KIAA1671: variants seen among roughly 807,000 people sequenced by gnomAD.
KIAA1671 encodes the protein KIAA1671.
Under a neutral mutation model 131.2 loss-of-function variants are expected in KIAA1671, and 52 were observed. That is an observed-to-expected ratio of 0.40 (90% CI 0.32 to 0.50). The LOEUF (loss-of-function observed/expected upper bound fraction) is 0.50. Ranked by LOEUF, KIAA1671 falls within the 20% of genes least tolerant of loss-of-function variation. The pLI is 0.73. For synonymous variants in KIAA1671, 1,003 were observed against 961.6 expected (o/e 1.04, Z -0.80); for missense variants, 2,360 against 2,364.2 (o/e 1.00, Z 0.04).
intron 6 of KIAA1671, chr22:25,064,379 T>C (rs1928352842): frequency 6.6e-6 from 1 of 152,226 alleles, no homozygotes; most frequent in Admixed American, 6.5e-5. Flanking sequence ...GTTGAGCCCT[T>C]ACTGTGTACT....
intron 1 of KIAA1671, among the ~76,000 whole-genome samples, chr22:24,992,256 C>A (rs1288625070): frequency 1.3e-5 from 2 of 152,144 alleles, no homozygotes; most frequent in Admixed American, 1.3e-4. Context: ...AGGGCTCTGG[C>A]AGGAGACAGG....
intron 5 of KIAA1671, among the ~76,000 whole-genome samples, chr22:25,042,759 C>A (rs1387276752): frequency 6.6e-6 from 1 of 151,992 alleles, no homozygotes; most frequent in African/African-American, 2.4e-5. Context: ...AGGCGCGAGC[C>A]ACTGCGCCCG....
intron 6 of KIAA1671, among the ~76,000 whole-genome samples, chr22:25,081,969 G>T (rs1929432584): frequency 6.6e-6 from 1 of 152,146 alleles, no homozygotes; most frequent in Non-Finnish European, 1.5e-5. Context: ...GCTGAGGCAG[G>T]AGGATCACCT....
At chr22:25,079,975 G>A (rs1386320275) in intron 6 of KIAA1671, among the ~76,000 whole-genome samples, 1 of 152,110 alleles carries the variant, frequency 6.6e-6, no homozygotes, top group East Asian at 1.9e-4. Context: ...GGAGAAGTGG[G>A]CAGATTCTGG....
chr22:25,025,310 G>T (rs1450767993), intron 1 of KIAA1671, among the ~76,000 whole-genome samples: 1 of 152,084 alleles, frequency 6.6e-6, no homozygotes, highest in Non-Finnish European at 1.5e-5. Flanking sequence ...GTAATTGCTT[G>T]TGTGTGTATG....
chr22:25,183,072 C>G (rs1934346531), intron 10 of KIAA1671, among the ~76,000 whole-genome samples: 1 of 149,240 alleles, frequency 6.7e-6, no homozygotes, highest in Non-Finnish European at 1.5e-5. Flanking sequence ...CCTTTTGCCC[C>G]CCTGTTTCAG....
intron 1 of KIAA1671, among the ~76,000 whole-genome samples, chr22:24,953,393 C>G (rs1306641534): frequency 2.0e-5 from 3 of 151,960 alleles, no homozygotes; most frequent in Non-Finnish European, 2.9e-5. Flanking sequence ...TCGAGGGGAG[C>G]CCGGAGGACA....
intron 6 of KIAA1671, chr22:25,112,532 AG>A: frequency 2.5e-6 from 1 of 397,724 alleles, no homozygotes; most frequent in Non-Finnish European, 4.4e-6. Context: ...CCTCCCAGGG[AG>A]GGGGTCCCAG....
intron 6 of KIAA1671, among the ~76,000 whole-genome samples, chr22:25,093,417 G>A (rs994931544): frequency 1.3e-5 from 2 of 152,074 alleles, no homozygotes; most frequent in Non-Finnish European, 2.9e-5. Flanking sequence ...CTGTGCTCAG[G>A]CACAATAGGT....
At chr22:24,989,026 T>C (rs1923698682) in intron 1 of KIAA1671, among the ~76,000 whole-genome samples, 1 of 152,194 alleles carries the variant, frequency 6.6e-6, no homozygotes, top group Admixed American at 6.5e-5. Flanking sequence ...GGTGTTGAAC[T>C]CCCAGGCCCA....
At chr22:25,044,988 G>A (rs1461068301) in intron 5 of KIAA1671, among the ~76,000 whole-genome samples, 3 of 152,022 alleles carry the variant, frequency 2.0e-5, no homozygotes, top group Non-Finnish European at 4.4e-5. Flanking sequence ...GTGAAACCCT[G>A]TCTCTACTAA....
At chr22:25,108,277 C>T (rs1232734313) in intron 6 of KIAA1671, among the ~76,000 whole-genome samples, 2 of 152,198 alleles carry the variant, frequency 1.3e-5, no homozygotes, top group African/African-American at 4.8e-5. Flanking sequence ...GGATTTCCCA[C>T]CCCGATGTCC....
chr22:25,148,197 C>T (rs1415775095), intron 6 of KIAA1671, among the ~76,000 whole-genome samples: 3 of 151,766 alleles, frequency 2.0e-5, no homozygotes, highest in Admixed American at 6.6e-5. Flanking sequence ...CTTTCTCAGT[C>T]CCAGCACCCC....
intron 6 of KIAA1671, chr22:25,050,706 A>G (rs1927488926): frequency 6.6e-6 from 1 of 152,304 alleles, no homozygotes; most frequent in African/African-American, 2.4e-5. Flanking sequence ...GCCGGGGAGG[A>G]ACTCAGATCC....
chr22:25,093,834 G>GTCTCTCTC lies in KIAA1671; in HGVS notation c.4530+44473_4530+44474insCTCTCTCT, dbSNP rs1568951583. ...TCTGTCTCTCTCTCTTTCTCTCTCT[G>GTCTCTCTC]TCTGTCTCTCTCTCTCTCTCTCTCT... is the stretch of plus-strand genomic sequence containing the variant. On this transcript the variant is annotated intron_variant, in intron 6 of 12. Coordinates refer to ENST00000358431, the MANE Select transcript of KIAA1671 (RefSeq NM_001145206.2). Among the ~76,000 whole-genome samples the GTCTCTCTC allele has an allele frequency of 2.7e-3, 46 of 16,948 alleles. 11 individuals carry two copies. The highest frequency in any genetic ancestry group is 6.9e-3 in the African/African-American group (21 of 3,032). 11.1% of individuals were successfully genotyped at this position (16,948 alleles called of 152,430 possible). A position where few individuals can be genotyped will look rare whatever the true frequency, so the allele number is the denominator to read the frequency against.
At chr22:25,188,451 TG>T (rs1198697550) in intron 11 of KIAA1671, among the ~76,000 whole-genome samples, 1 of 50,596 alleles carries the variant, frequency 2.0e-5, no homozygotes, top group Non-Finnish European at 3.8e-5. Context: ...CAATCGGGTG[TG>T]TGTGTGTGTG....
chr22:25,012,653 T>C (rs1400471325), intron 1 of KIAA1671: 2 of 152,168 alleles, frequency 1.3e-5, no homozygotes, highest in Non-Finnish European at 2.9e-5. Context: ...AAACCAGTGT[T>C]GCTTGCTTTA....
chr22:25,146,068 C>T (rs186536081), intron 6 of KIAA1671, among the ~76,000 whole-genome samples: 139 of 152,280 alleles, frequency 9.1e-4, no homozygotes, highest in African/African-American at 2.8e-3. Flanking sequence ...CTCAGTGACA[C>T]GCTCAGGAAA....
chr22:25,004,279 C>T (rs1924627190), intron 1 of KIAA1671, among the ~76,000 whole-genome samples: 1 of 152,032 alleles, frequency 6.6e-6, no homozygotes, highest in African/African-American at 2.4e-5. Flanking sequence ...CCACGCCTGG[C>T]TAATTTTTGT....
Sources: gnomAD v4.1 joint callset for allele counts (sites outside exome capture counted in the v4.1 genomes callset) on GRCh38, gnomAD v4.1.1 for gene constraint, MANE v1.5 for transcripts, NCBI Gene and HGNC (gene_info 2026-07-23, HGNC 2026-07-21) for gene names.